Variants in SLC26A3 observed in about 807,000 individuals in gnomAD.
The protein encoded by SLC26A3 is chloride anion exchanger.
A neutral mutation model predicts 85.6 loss-of-function variants in SLC26A3; 64 were observed. The observed-to-expected ratio is 0.75, with a 90% CI of 0.61 to 0.92. SLC26A3 has a LOEUF of 0.92. Among genes scored for constraint, SLC26A3 ranks in the 40% least tolerant of loss-of-function variants. The pLI, the probability that SLC26A3 is intolerant of heterozygous loss-of-function variation, is 0.00. For missense variants in SLC26A3, 922 were observed against 927.3 expected, an observed-to-expected ratio of 0.99 and a Z score of 0.07; for synonymous variants, 349 against 336.0, an observed-to-expected ratio of 1.04 and a Z score of -0.42.
At chr7:107,775,853 A>G (rs1189423372) in intron 15 of SLC26A3, among the ~76,000 whole-genome samples, 1 of 152,230 alleles carries the variant, frequency 6.6e-6, no homozygotes, top group Non-Finnish European at 1.5e-5. Context: ...TCGGTAGAAA[A>G]ATGTCGGATG....
At chr7:107,800,107 C>T (rs570737400) in intron 1 of SLC26A3, among the ~76,000 whole-genome samples, 2 of 152,216 alleles carry the variant, frequency 1.3e-5, no homozygotes, top group Non-Finnish European at 2.9e-5. Flanking sequence ...GTTCCTAACA[C>T]GCTATGATAT....
At chr7:107,793,605 G>A (rs1276682648) in intron 3 of SLC26A3, 137 bp downstream of exon 3, 1 of 666,524 alleles carries the variant, frequency 1.5e-6, no homozygotes, top group Non-Finnish European at 2.6e-6. Flanking sequence ...TTTAGGGGTT[G>A]GTGGTGGTGA....
At chr7:107,770,293 G>T (rs2115798107) in intron 18 of SLC26A3, among the ~76,000 whole-genome samples, 6 of 89,282 alleles carry the variant, frequency 6.7e-5, no homozygotes, top group African/African-American at 2.0e-4. Flanking sequence ...GTCTTGCTCT[G>T]TCACCCAGGC....
rs1230674365 is a variant in SLC26A3, at chr7:107,776,503, A to G, written c.1626T>C (p.Ser542=). 1 of 1,614,058 alleles carries G rather than the reference A, an allele frequency of 6.2e-7. No individual in the cohort carries two copies. The highest frequency in any genetic ancestry group is 1.3e-5 in the African/African-American group (1 of 74,952). ...PEGVKIFRCP[S]PIYFANIGFF... ...AACCAATGTTTGCAAAGTAGATAGG[A>G]GATGGACATCTGAAAATTTTCACTC... Residue 542 remains serine, a synonymous_variant, in exon 15 of 21, where the codon TCT becomes TCC. Transcript: ENST00000340010.
At chr7:107,796,429 C>A (rs1794501127) in intron 1 of SLC26A3, among the ~76,000 whole-genome samples, 1 of 152,124 alleles carries the variant, frequency 6.6e-6, no homozygotes, top group South Asian at 2.1e-4. Flanking sequence ...CTTTGCTATT[C>A]TTTCTGGGCC....
chr7:107,792,172 T>C (rs1242100303), intron 3 of SLC26A3, among the ~76,000 whole-genome samples: 1 of 152,206 alleles, frequency 6.6e-6, no homozygotes, highest in African/African-American at 2.4e-5. Flanking sequence ...ATGACACCTA[T>C]GGCATAAGCC....
intron 7 of SLC26A3, 121 bp from the exon 8 acceptor site, chr7:107,787,030 C>T (rs776976851): frequency 1.1e-6 from 1 of 870,916 alleles, no homozygotes; most frequent in Non-Finnish European, 1.9e-6. Context: ...CCAGCCCAGG[C>T]TTTGTTACTT....
In SLC26A3 at chr7:107,783,456, C is replaced by G. The variant is rs139888278; in HGVS notation, c.972-104G>C. 400 of 1,375,956 alleles carry G rather than the reference C, an allele frequency of 2.9e-4. 1 individual carries two copies. In the African/African-American group the frequency reaches 5.0e-3, roughly 17 times the overall value. The allele number at this position is 1,375,956 out of a possible 1,614,324, so 85.2% of individuals were successfully genotyped here. On this transcript the variant is annotated intron_variant, in intron 8 of 20. Transcript: ENST00000340010. ...GAATGCAATCTAGGCTGAGTTGTGT[C>G]TCACTTTGGAGTATGATTAACGAGA...
intron 1 of SLC26A3, among the ~76,000 whole-genome samples, chr7:107,799,099 G>A (rs149633464): frequency 6.6e-6 from 1 of 152,328 alleles, no homozygotes; most frequent in Admixed American, 6.5e-5. Context: ...GAGAGGGCTG[G>A]AGTGGTGAAT....
chr7:107,787,671 T>C, intron 6 of SLC26A3, 162 bp from the exon 7 acceptor site: 1 of 655,190 alleles, frequency 1.5e-6, no homozygotes, highest in East Asian at 2.7e-5. Context: ...TGTGAAATTG[T>C]AGAGAGTAGC....
intron 20 of SLC26A3, 40 bp downstream of exon 20, chr7:107,767,539 G>T (rs1418483842): frequency 6.8e-7 from 1 of 1,463,464 alleles, no homozygotes; most frequent in Non-Finnish European, 9.6e-7. Flanking sequence ...TTTTTTTGCT[G>T]TGATGTCTAG....
At chr7:107,769,281 C>T (rs757418100) in intron 18 of SLC26A3, among the ~76,000 whole-genome samples, 3 of 152,014 alleles carry the variant, frequency 2.0e-5, no homozygotes, top group Non-Finnish European at 4.4e-5. Context: ...TGCATGCATA[C>T]ATTGATTGCT....
chr7:107,769,289 G>A (rs1427409695), intron 18 of SLC26A3, among the ~76,000 whole-genome samples: 1 of 152,098 alleles, frequency 6.6e-6, no homozygotes, highest in African/African-American at 2.4e-5. Context: ...TACATTGATT[G>A]CTGCACTATT....
chr7:107,801,300 C>T (rs1159941768), intron 1 of SLC26A3, among the ~76,000 whole-genome samples: 2 of 152,160 alleles, frequency 1.3e-5, no homozygotes, highest in Non-Finnish European at 2.9e-5. Flanking sequence ...GGGTCTCAGC[C>T]CCTACCCCCA....
chr7:107,782,779 A>G lies in SLC26A3; in HGVS notation c.1311+18T>C, dbSNP rs1794232495. The G allele has an allele frequency of 1.9e-6, 3 of 1,610,664 alleles. No individual in the cohort carries two copies. In the African/African-American group the frequency reaches 4.0e-5, roughly 22 times the overall value. On this transcript the variant is annotated intron_variant, in intron 11 of 20. Coordinates refer to ENST00000340010, the MANE Select transcript of SLC26A3 (RefSeq NM_000111.3). ...ATTTACCACTAAAAGTAGAGATGCTATCCAAAGACAGTGTTACCTTTTGTA... is the reference window on the plus strand; with the variant it reads ...ATTTACCACTAAAAGTAGAGATGCTGTCCAAAGACAGTGTTACCTTTTGTA...
chr7:107,797,654 T>A (rs933192083), intron 1 of SLC26A3, among the ~76,000 whole-genome samples: 2 of 152,014 alleles, frequency 1.3e-5, no homozygotes, highest in Admixed American at 6.6e-5. Flanking sequence ...ACTACCCCAA[T>A]GGTGCCTCTG....
At chr7:107,791,567 G>A (rs1417001801) in intron 4 of SLC26A3, among the ~76,000 whole-genome samples, 9 of 151,978 alleles carry the variant, frequency 5.9e-5, no homozygotes, top group Non-Finnish European at 8.8e-5. Context: ...AGCTGAGATC[G>A]TGCCACTGCA....
chr7:107,771,045 A>G (rs919128123), intron 18 of SLC26A3, among the ~76,000 whole-genome samples: 1 of 152,164 alleles, frequency 6.6e-6, no homozygotes, highest in African/African-American at 2.4e-5. Context: ...TAGAAGGCCT[A>G]GTTGAGAAGT....
intron 5 of SLC26A3, among the ~76,000 whole-genome samples, chr7:107,790,629 C>G (rs1254600419): frequency 6.6e-6 from 1 of 152,140 alleles, no homozygotes; most frequent in Non-Finnish European, 1.5e-5. Context: ...GCCCCCATCC[C>G]TTCCAACTAG....
Sources: gnomAD v4.1 joint callset for allele counts (sites outside exome capture counted in the v4.1 genomes callset) on GRCh38, gnomAD v4.1.1 for gene constraint, MANE v1.5 for transcripts, NCBI Gene and HGNC (gene_info 2026-07-23, HGNC 2026-07-21) for gene names.